The following AFG2A variants were observed in gnomAD, a reference collection of about 807,000 sequenced individuals.
AFG2A encodes ATPase family gene 2 protein homolog A.
At chr4:123,028,353 G>A in the AFG2A span, 2 of 1,614,028 alleles carry the variant, frequency 1.2e-6, no homozygotes, top group Admixed American at 1.7e-5. Flanking sequence ...TGATAGCAAA[G>A]GCTTTGGCCA....
At chr4:123,162,138 A>C in the AFG2A span, among the ~76,000 whole-genome samples, 1 of 152,228 alleles carries the variant, frequency 6.6e-6, no homozygotes, top group Non-Finnish European at 1.5e-5. Context: ...AAGAAGAGAC[A>C]CTATAAAAGT....
At chr4:123,191,939 G>T in the AFG2A span, among the ~76,000 whole-genome samples, 1 of 152,048 alleles carries the variant, frequency 6.6e-6, no homozygotes, top group South Asian at 2.1e-4. Context: ...AACATCATCA[G>T]ATTTATCAGT....
the AFG2A span, among the ~76,000 whole-genome samples, chr4:123,005,804 A>G: frequency 2.8e-4 from 43 of 152,262 alleles, no homozygotes; most frequent in Admixed American, 5.9e-4. Context: ...TTAGAACAAT[A>G]TATTTCTATT....
At chr4:123,216,918 C>T in the AFG2A span, among the ~76,000 whole-genome samples, 1 of 152,040 alleles carries the variant, frequency 6.6e-6, no homozygotes, top group African/African-American at 2.4e-5. Flanking sequence ...GGTCCTTCCA[C>T]CTTGGCTTCC....
At chr4:122,970,852 G>T in the AFG2A span, among the ~76,000 whole-genome samples, 4 of 151,514 alleles carry the variant, frequency 2.6e-5, no homozygotes, top group Non-Finnish European at 4.4e-5. Flanking sequence ...ATTTTTTTTT[G>T]AGACGGAGTC....
chr4:123,098,811 A>G, the AFG2A span, among the ~76,000 whole-genome samples: 1 of 151,988 alleles, frequency 6.6e-6, no homozygotes, highest in Non-Finnish European at 1.5e-5. Flanking sequence ...ATTGTGAATA[A>G]TGCTGCAGTG....
chr4:123,087,520 C>T, the AFG2A span, among the ~76,000 whole-genome samples: 1 of 152,180 alleles, frequency 6.6e-6, no homozygotes, highest in Non-Finnish European at 1.5e-5. Flanking sequence ...ACAATGGGTA[C>T]TTTTCCTTCC....
the AFG2A span, among the ~76,000 whole-genome samples, chr4:122,987,679 C>T: frequency 3.3e-5 from 5 of 152,232 alleles, no homozygotes; most frequent in Non-Finnish European, 7.4e-5. Flanking sequence ...TAACATTGGT[C>T]CCACACACAG....
At chr4:123,284,830 C>T in the AFG2A span, among the ~76,000 whole-genome samples, 9 of 152,138 alleles carry the variant, frequency 5.9e-5, no homozygotes, top group African/African-American at 2.2e-4. Context: ...CTGCATTTGT[C>T]TTCACAATTA....
the AFG2A span, among the ~76,000 whole-genome samples, chr4:123,306,058 ATTG>A: frequency 1.3e-5 from 2 of 152,184 alleles, no homozygotes; most frequent in East Asian, 1.9e-4. Context: ...TTATTGCTAT[ATTG>A]TTGTTATAAA....
At chr4:123,011,285 A>T in the AFG2A span, among the ~76,000 whole-genome samples, 1 of 152,256 alleles carries the variant, frequency 6.6e-6, no homozygotes, top group African/African-American at 2.4e-5. Flanking sequence ...ACATCCCTTC[A>T]GCCAGTCTTG....
At chr4:123,057,489 A>G in the AFG2A span, among the ~76,000 whole-genome samples, 1 of 152,112 alleles carries the variant, frequency 6.6e-6, no homozygotes, top group Non-Finnish European at 1.5e-5. Context: ...TTTTATCTAT[A>G]TTGGATAAAA....
chr4:122,998,382 A>C, the AFG2A span, among the ~76,000 whole-genome samples: 1 of 152,104 alleles, frequency 6.6e-6, no homozygotes, highest in African/African-American at 2.4e-5. Flanking sequence ...AAATATGTAT[A>C]CATGTGCCAT....
chr4:123,293,236 G>A, the AFG2A span, among the ~76,000 whole-genome samples: 1 of 152,166 alleles, frequency 6.6e-6, no homozygotes, highest in Non-Finnish European at 1.5e-5. Context: ...TAGGCAAAGG[G>A]TAGAAGTCCC....
chr4:122,962,841 T>TA, the AFG2A span, among the ~76,000 whole-genome samples: 1 of 152,244 alleles, frequency 6.6e-6, no homozygotes, highest in Non-Finnish European at 1.5e-5. Context: ...TTCACTGCTA[T>TA]ACCACAGTTC....
chr4:123,192,251 T>C, the AFG2A span, among the ~76,000 whole-genome samples: 22 of 152,188 alleles, frequency 1.4e-4, no homozygotes, highest in African/African-American at 5.3e-4. Flanking sequence ...GGTGTCTAAC[T>C]CCTGAGCTTA....
the AFG2A span, among the ~76,000 whole-genome samples, chr4:123,249,447 C>CT: frequency 6.6e-6 from 1 of 151,990 alleles, no homozygotes; most frequent in Non-Finnish European, 1.5e-5. Context: ...TGAACTTGGA[C>CT]TTTTTTCTTT....
the AFG2A span, among the ~76,000 whole-genome samples, chr4:123,074,692 A>G: frequency 0.011 from 1,731 of 152,152 alleles, 44 homozygotes; most frequent in African/African-American, 0.039. Flanking sequence ...TGTTTTTACT[A>G]TATTAGCACT....
the AFG2A span, among the ~76,000 whole-genome samples, chr4:123,053,024 C>T: frequency 6.6e-6 from 1 of 152,186 alleles, no homozygotes. Context: ...CGGCTTATTT[C>T]ATCTTCTTCC....
Sources: allele counts gnomAD v4.1 joint callset (sites outside exome capture counted in the v4.1 genomes callset), GRCh38; gene constraint gnomAD v4.1.1; transcripts MANE v1.5; gene names NCBI Gene and HGNC (gene_info 2026-07-23, HGNC 2026-07-21).